DNAH6: variants seen among roughly 807,000 people sequenced by gnomAD.
The protein encoded by DNAH6 is dynein axonemal heavy chain 6, also known as axonemal beta dynein heavy chain 6.
Under a neutral mutation model 491.4 loss-of-function variants are expected in DNAH6, and 340 were observed. The observed-to-expected ratio is 0.69, with a 90% confidence interval of 0.63 to 0.76. The LOEUF is 0.76. DNAH6 is among the 30% of genes least tolerant of loss of function. The pLI is 0.00. For synonymous variants in DNAH6, 1,603 were observed against 1,686.1 expected, an observed-to-expected ratio of 0.95 and a Z score of 1.21; for missense variants, 4,443 against 4,972.2, an observed-to-expected ratio of 0.89 and a Z score of 3.20.
At chr2:84,690,104 A>C (rs764754103) in intron 45 of DNAH6, among the ~76,000 whole-genome samples, 4 of 152,224 alleles carry the variant, frequency 2.6e-5, no homozygotes, top group Non-Finnish European at 5.9e-5. Context: ...ATACAGTAAA[A>C]TACAGTGAGA....
Position 84,819,378 on chromosome 2 carries a change from A to G in DNAH6, c.12447A>G (p.Gly4149=). ...CCAAAGACTACTGGATTGCCAAGGG[A>G]TCAGCTTTGCTCTGCCAGCTGAGCG... ...KRSKDYWIAK[G]SALLCQLSE The change falls in exon 77 of 77, where the codon GGA becomes GGG. Residue 4149 remains glycine, a synonymous_variant. Transcript: ENST00000389394. The G allele has an allele frequency of 6.4e-7, 1 of 1,551,408 alleles. No homozygotes were observed. Among genetic ancestry groups the G allele is most frequent in the Non-Finnish European group, 8.7e-7 (1 of 1,146,860 alleles).
intron 12 of DNAH6, 145 bp downstream of exon 12, chr2:84,573,732 C>G: frequency 3.2e-6 from 2 of 627,696 alleles, no homozygotes; most frequent in Non-Finnish European, 5.3e-6. Flanking sequence ...TAATTCATTT[C>G]TAGGTTATTT....
At chr2:84,676,896 C>CAA in intron 40 of DNAH6, 109 bp from the exon 41 acceptor site, 11 of 1,225,356 alleles carry the variant, frequency 9.0e-6, no homozygotes, top group South Asian at 1.5e-5. Flanking sequence ...TTAACATGCA[C>CAA]AAAAAAAAAT....
At chr2:84,646,306 C>G (rs904468974) in intron 33 of DNAH6, among the ~76,000 whole-genome samples, 3 of 152,046 alleles carry the variant, frequency 2.0e-5, no homozygotes, top group African/African-American at 7.2e-5. Flanking sequence ...CTCTCCTTCT[C>G]CTTGGGCCTC....
intron 64 of DNAH6, among the ~76,000 whole-genome samples, chr2:84,772,806 T>C (rs1025499739): frequency 3.3e-5 from 5 of 152,046 alleles, no homozygotes; most frequent in Non-Finnish European, 7.4e-5. Context: ...ATTTGGCAGA[T>C]GTATATAGAA....
At chr2:84,780,970 GT>G (rs1480706908) in intron 64 of DNAH6, among the ~76,000 whole-genome samples, 2 of 152,124 alleles carry the variant, frequency 1.3e-5, no homozygotes, top group African/African-American at 4.8e-5. Flanking sequence ...ATTCAAAATT[GT>G]TTTTGCCTTT....
chr2:84,733,719 T>C, intron 62 of DNAH6, 140 bp downstream of exon 62: 2 of 876,616 alleles, frequency 2.3e-6, no homozygotes, highest in Admixed American at 3.2e-5. Context: ...CTGTAAATTA[T>C]TTGTTTTCAC....
chr2:84,715,839 G>A (rs191740156), intron 58 of DNAH6, among the ~76,000 whole-genome samples: 3 of 152,102 alleles, frequency 2.0e-5, no homozygotes, highest in Non-Finnish European at 4.4e-5. Flanking sequence ...TCTCAAGGAC[G>A]TCAAGGATAG....
chr2:84,551,030 C>A (rs1458299619), intron 9 of DNAH6, among the ~76,000 whole-genome samples: 2 of 152,110 alleles, frequency 1.3e-5, no homozygotes, highest in Non-Finnish European at 1.5e-5. Context: ...TTTGCCCTAG[C>A]TCCATCCTTA....
chr2:84,616,437 A>G (rs1416901962), intron 22 of DNAH6, among the ~76,000 whole-genome samples: 2 of 152,094 alleles, frequency 1.3e-5, no homozygotes, highest in African/African-American at 4.8e-5. Flanking sequence ...TTATCCTTAT[A>G]TAATATCCTT....
chr2:84,527,464 C>A (rs183422123), intron 3 of DNAH6, among the ~76,000 whole-genome samples: 1 of 152,104 alleles, frequency 6.6e-6, no homozygotes, highest in South Asian at 2.1e-4. Flanking sequence ...ACTTAGAATG[C>A]AGTAAGACTT....
intron 22 of DNAH6, among the ~76,000 whole-genome samples, chr2:84,613,512 A>G (rs1396069978): frequency 1.3e-5 from 2 of 152,162 alleles, no homozygotes; most frequent in East Asian, 3.9e-4. Context: ...AGCTGCTATG[A>G]TAAGCACCAA....
At chr2:84,722,492 TG>T in intron 59 of DNAH6, 132 bp from the exon 60 acceptor site, 1 of 705,696 alleles carries the variant, frequency 1.4e-6, no homozygotes, top group Non-Finnish European at 2.2e-6. Flanking sequence ...TCGTTCCACC[TG>T]GGGACCCCTT....
At chr2:84,728,142 C>T (rs1698815604) in intron 61 of DNAH6, among the ~76,000 whole-genome samples, 1 of 152,234 alleles carries the variant, frequency 6.6e-6, no homozygotes, top group African/African-American at 2.4e-5. Flanking sequence ...CACTTGCCTG[C>T]TGCCATGTAA....
chr2:84,763,890 A>G (rs1674830422), intron 64 of DNAH6, among the ~76,000 whole-genome samples: 1 of 152,102 alleles, frequency 6.6e-6, no homozygotes, highest in Non-Finnish European at 1.5e-5. Context: ...TCCAAAACTC[A>G]GCAGGCTTGA....
At chr2:84,673,425 G>A (rs997972579) in intron 40 of DNAH6, among the ~76,000 whole-genome samples, 1 of 152,184 alleles carries the variant, frequency 6.6e-6, no homozygotes, top group Non-Finnish European at 1.5e-5. Flanking sequence ...GATGAGGGTC[G>A]AGCCTCCTGT....
At chr2:84,669,637 G>C (rs1416167565) in intron 38 of DNAH6, 127 bp downstream of exon 38, 17 of 809,282 alleles carry the variant, frequency 2.1e-5, no homozygotes, top group African/African-American at 5.1e-5. Flanking sequence ...ACTTTTGCAG[G>C]AAGAATATTA....
intron 54 of DNAH6, among the ~76,000 whole-genome samples, chr2:84,708,959 A>G (rs1696787795): frequency 6.6e-6 from 1 of 152,168 alleles, no homozygotes; most frequent in South Asian, 2.1e-4. Context: ...CCTATCCCTC[A>G]TCTACTGATT....
intron 41 of DNAH6, among the ~76,000 whole-genome samples, chr2:84,678,400 A>T (rs1410290246): frequency 2.0e-5 from 3 of 152,120 alleles, no homozygotes; most frequent in Non-Finnish European, 4.4e-5. Flanking sequence ...TGAAGTTTGA[A>T]GTGAGTGATT....
Sources: gnomAD v4.1 joint callset for allele counts (sites outside exome capture counted in the v4.1 genomes callset) on GRCh38, gnomAD v4.1.1 for gene constraint, MANE v1.5 for transcripts, NCBI Gene and HGNC (gene_info 2026-07-23, HGNC 2026-07-21) for gene names.